PCDH15: variants seen among roughly 807,000 people sequenced by gnomAD.
PCDH15 encodes protocadherin related 15, also known as protocadherin-15.
A neutral mutation model predicts 178.5 loss-of-function variants in PCDH15; 129 were observed. That is an observed-to-expected ratio of 0.72 (90% confidence interval 0.63 to 0.84). The LOEUF (loss-of-function observed/expected upper bound fraction) is 0.84. PCDH15 is among the 40% of genes least tolerant of loss of function. The pLI, the probability that PCDH15 is intolerant of heterozygous loss-of-function variation, is 0.00. For missense variants in PCDH15, 2,230 were observed against 2,099.9 expected (o/e 1.06, Z -1.21); for synonymous variants, 800 against 732.0 (o/e 1.09, Z -1.50).
intron 14 of PCDH15, among the ~76,000 whole-genome samples, chr10:54,146,399 G>A (rs1167613780): frequency 1.3e-5 from 2 of 151,796 alleles, no homozygotes; most frequent in Admixed American, 1.3e-4. Context: ...GAGAGAGAGT[G>A]TCTCTTATTA....
intron 1 of PCDH15, chr10:55,247,619 T>C (rs1381281021): frequency 6.6e-6 from 1 of 152,076 alleles, no homozygotes; most frequent in East Asian, 1.9e-4. Context: ...ATTCTTTTTT[T>C]TTTTTAAACA....
intron 3 of PCDH15, among the ~76,000 whole-genome samples, chr10:54,445,465 T>C (rs894763367): frequency 1.3e-5 from 2 of 151,576 alleles, no homozygotes; most frequent in African/African-American, 4.8e-5. Context: ...AAAAATTGTC[T>C]ACATGATAGT....
chr10:54,873,076 G>T (rs1412903965), intron 3 of PCDH15, among the ~76,000 whole-genome samples: 1 of 151,960 alleles, frequency 6.6e-6, no homozygotes, highest in Non-Finnish European at 1.5e-5. Context: ...CAATTTTCTG[G>T]GCAGTTATGT....
chr10:53,979,601 T>C (rs914498900), intron 21 of PCDH15, among the ~76,000 whole-genome samples: 1 of 152,222 alleles, frequency 6.6e-6, no homozygotes, highest in Admixed American at 6.5e-5. Context: ...TCTCTCAAGA[T>C]GGTGGACAAG....
intron 1 of PCDH15, among the ~76,000 whole-genome samples, chr10:54,741,194 CTCT>C (rs546167394): frequency 7.3e-4 from 107 of 146,822 alleles, no homozygotes; most frequent in African/African-American, 1.8e-3. Context: ...TTTATACATT[CTCT>C]TTTTTATATA....
At chr10:54,396,815 G>A (rs1212754241) in intron 3 of PCDH15, among the ~76,000 whole-genome samples, 1 of 152,062 alleles carries the variant, frequency 6.6e-6, no homozygotes, top group Non-Finnish European at 1.5e-5. Flanking sequence ...TTCAAACTAT[G>A]ATTTCAAAAC....
chr10:55,292,247 T>G (rs1215730219), intron 1 of PCDH15, among the ~76,000 whole-genome samples: 3 of 152,130 alleles, frequency 2.0e-5, no homozygotes, highest in Non-Finnish European at 2.9e-5. Context: ...CTAGATACAA[T>G]GAGGTAACAG....
intron 1 of PCDH15, among the ~76,000 whole-genome samples, chr10:55,285,496 G>C (rs1842842802): frequency 6.6e-6 from 1 of 151,632 alleles, no homozygotes. Context: ...TTCTAGGTTT[G>C]ATGATATTTA....
chr10:54,229,224 TAA>T (rs1179058488), intron 9 of PCDH15, among the ~76,000 whole-genome samples: 1 of 152,178 alleles, frequency 6.6e-6, no homozygotes, highest in Non-Finnish European at 1.5e-5. Flanking sequence ...AGACCGGAAA[TAA>T]AGTCAGACTG....
At chr10:54,892,928 A>T (rs534543771) in intron 3 of PCDH15, among the ~76,000 whole-genome samples, 1 of 152,076 alleles carries the variant, frequency 6.6e-6, no homozygotes, top group East Asian at 1.9e-4. Flanking sequence ...AGGAAATCAC[A>T]TATTAAAAAT....
chr10:54,820,804 C>G (rs1316403240), intron 3 of PCDH15, among the ~76,000 whole-genome samples: 2 of 152,022 alleles, frequency 1.3e-5, no homozygotes, highest in African/African-American at 4.8e-5. Flanking sequence ...GTATTACTCT[C>G]TTCCAGCCAC....
At chr10:54,952,705 G>A (rs1013416361) in intron 2 of PCDH15, among the ~76,000 whole-genome samples, 2 of 151,586 alleles carry the variant, frequency 1.3e-5, no homozygotes, top group African/African-American at 2.4e-5. Context: ...TATAGGCATT[G>A]TACACATTTT....
chr10:54,868,663 T>C (rs1953982000), intron 3 of PCDH15, among the ~76,000 whole-genome samples: 1 of 152,200 alleles, frequency 6.6e-6, no homozygotes, highest in South Asian at 2.1e-4. Flanking sequence ...CATGCCACTC[T>C]TCTCCAAACC....
At chr10:53,883,587 G>T (rs932307975) in intron 26 of PCDH15, among the ~76,000 whole-genome samples, 3 of 152,158 alleles carry the variant, frequency 2.0e-5, no homozygotes, top group African/African-American at 4.8e-5. Flanking sequence ...CCTTTGTATG[G>T]CAGGAAGGAA....
intron 2 of PCDH15, among the ~76,000 whole-genome samples, chr10:55,547,922 A>G (rs1267324885): frequency 2.8e-5 from 4 of 144,824 alleles, no homozygotes; most frequent in Non-Finnish European, 6.1e-5. Flanking sequence ...AGAGAGAGAG[A>G]GAGAGAGAGA....
chr10:55,207,819 A>G (rs1035112431), intron 1 of PCDH15, among the ~76,000 whole-genome samples: 1 of 152,030 alleles, frequency 6.6e-6, no homozygotes, highest in Non-Finnish European at 1.5e-5. Flanking sequence ...ATACAAAAAA[A>G]TTAGCTGGGC....
At position 55,388,157 on chromosome 10, in the gene PCDH15, T is replaced by C. The variant is rs139124678; in HGVS notation, c.-155-221506A>G. Among the ~76,000 whole-genome samples, 567 of 152,208 alleles carry C rather than the reference T, an allele frequency of 3.7e-3. 4 individuals carry two copies. The highest frequency in any genetic ancestry group is 0.011 in the African/African-American group (471 of 41,556). The stretch of plus-strand genomic sequence containing the variant: ...GTTCTGTAGCTTGGGCAGGAACGTT[T>C]TTCAGATGCTCTTGGAAACACCGCT... On this transcript the variant is annotated intron_variant, in intron 2 of 5. Transcript: ENST00000613346.
intron 2 of PCDH15, among the ~76,000 whole-genome samples, chr10:54,577,017 G>C (rs1358379080): frequency 2.0e-5 from 3 of 152,080 alleles, no homozygotes; most frequent in Non-Finnish European, 4.4e-5. Context: ...GAACACCTAG[G>C]GGATTGAGGT....
chr10:54,281,436 T>A (rs1158797512), intron 8 of PCDH15, among the ~76,000 whole-genome samples: 3 of 151,928 alleles, frequency 2.0e-5, no homozygotes, highest in Non-Finnish European at 2.9e-5. Flanking sequence ...GCTTTGTTTT[T>A]TGCAAAGCCT....
Sources: allele counts gnomAD v4.1 joint callset (sites outside exome capture counted in the v4.1 genomes callset), GRCh38; gene constraint gnomAD v4.1.1; transcripts MANE v1.5; gene names NCBI Gene and HGNC (gene_info 2026-07-23, HGNC 2026-07-21).